SENP7: variants seen among roughly 807,000 people sequenced by gnomAD.
The protein encoded by SENP7 is SUMO specific peptidase 7, also known as sentrin-specific protease 7.
Under a neutral mutation model 141.2 loss-of-function variants are expected in SENP7, and 64 were observed. That is an observed-to-expected ratio of 0.45 (90% CI 0.37 to 0.56). The LOEUF is 0.56. SENP7 is among the 20% of genes least tolerant of loss of function. The pLI, the probability that SENP7 is intolerant of heterozygous loss-of-function variation, is 0.00. For missense variants in SENP7, 1,025 were observed against 1,212.2 expected, an observed-to-expected ratio of 0.85 and a Z score of 2.29; for synonymous variants, 382 against 426.4, an observed-to-expected ratio of 0.90 and a Z score of 1.28.
chr3:101,329,169 C>A (rs1459321475), intron 20 of SENP7, among the ~76,000 whole-genome samples: 2 of 152,150 alleles, frequency 1.3e-5, no homozygotes, highest in Non-Finnish European at 2.9e-5. Context: ...CAAACTTAAG[C>A]ACATTTATTT....
intron 7 of SENP7, among the ~76,000 whole-genome samples, chr3:101,369,255 A>T (rs2060118425): frequency 6.6e-6 from 1 of 152,220 alleles, no homozygotes; most frequent in Non-Finnish European, 1.5e-5. Context: ...ATACACAGCA[A>T]GTCACAAAGC....
intron 4 of SENP7, among the ~76,000 whole-genome samples, chr3:101,427,444 A>G (rs2061999355): frequency 1.3e-5 from 2 of 150,078 alleles, no homozygotes; most frequent in Admixed American, 6.8e-5. Flanking sequence ...GAGCCCAGAT[A>G]GCACCACTGA....
intron 3 of SENP7, among the ~76,000 whole-genome samples, chr3:101,471,617 A>G (rs1427406032): frequency 1.3e-5 from 2 of 152,250 alleles, no homozygotes; most frequent in Admixed American, 6.5e-5. Context: ...CTAAAACACC[A>G]AAAGCAATGG....
At chr3:101,337,271 C>A in intron 17 of SENP7, 1 of 269,876 alleles carries the variant, frequency 3.7e-6, no homozygotes, top group Non-Finnish European at 7.0e-6. Flanking sequence ...CTCCAACTTC[C>A]AGGATTTCCC....
Position 101,483,446 on chromosome 3 carries a change from C to T in SENP7, c.186+10427G>A, listed in dbSNP as rs2064586504. Among the ~76,000 whole-genome samples the T allele has an allele frequency of 2.0e-5, 3 of 151,996 alleles. No individual in the cohort carries two copies. In the South Asian group the frequency reaches 6.2e-4, roughly 32 times the overall value. On this transcript the variant is annotated intron_variant, in intron 3 of 23. Coordinates refer to ENST00000394095, the MANE Select transcript of SENP7 (RefSeq NM_020654.5). ...ATCATGGACATAAAGATGGCAAAAA[C>T]AGACATTGGGGACTACTAGTGGGGA...
At chr3:101,482,588 C>T (rs887537797) in intron 3 of SENP7, among the ~76,000 whole-genome samples, 4 of 152,060 alleles carry the variant, frequency 2.6e-5, no homozygotes, top group Admixed American at 6.6e-5. Context: ...GAGAAGCAAA[C>T]GACTAGGCAT....
intron 4 of SENP7, 42 bp from the exon 5 acceptor site, chr3:101,417,832 T>C (rs561639208): frequency 1.4e-6 from 2 of 1,425,542 alleles, no homozygotes; most frequent in African/African-American, 1.4e-5. Context: ...GTACTACACA[T>C]TGTAGAATAC....
At chr3:101,432,043 A>C (rs1057162246) in intron 4 of SENP7, among the ~76,000 whole-genome samples, 3 of 151,996 alleles carry the variant, frequency 2.0e-5, no homozygotes, top group African/African-American at 7.3e-5. Flanking sequence ...CCTGACCTGG[A>C]GCAGAGGGGA....
At chr3:101,441,788 G>T (rs1460627658) in intron 4 of SENP7, among the ~76,000 whole-genome samples, 1 of 152,058 alleles carries the variant, frequency 6.6e-6, no homozygotes, top group Non-Finnish European at 1.5e-5. Flanking sequence ...TGCCACCCAG[G>T]GGTCCAAAGA....
chr3:101,466,120 A>G lies in SENP7; in HGVS notation c.187-7068T>C, dbSNP rs78003516. The stretch of plus-strand genomic sequence containing the variant: ...CAACTTTAAAAAATGAAGAAAGCCT[A>G]CATAACATATGAGATGCCATAAAGC... On this transcript the variant is annotated intron_variant, in intron 3 of 23. Coordinates refer to ENST00000394095, the MANE Select transcript of SENP7 (RefSeq NM_020654.5). 3.4e-3 allele frequency among the ~76,000 whole-genome samples: 521 copies of G among 152,298 alleles called. 5 individuals carry two copies. The highest frequency in any genetic ancestry group is 0.012 in the African/African-American group (501 of 41,592).
At chr3:101,408,737 T>C (rs1268043290) in intron 5 of SENP7, among the ~76,000 whole-genome samples, 1 of 152,180 alleles carries the variant, frequency 6.6e-6, no homozygotes, top group Non-Finnish European at 1.5e-5. Flanking sequence ...GGCATCTCTT[T>C]ATGATTAAAA....
chr3:101,347,834 C>T (rs769534696), intron 13 of SENP7, 38 bp downstream of exon 13: 2 of 1,059,382 alleles, frequency 1.9e-6, no homozygotes, highest in Admixed American at 2.9e-5. Context: ...ATGACAATTT[C>T]AAGTTATCCT....
intron 11 of SENP7, chr3:101,358,359 CA>C: frequency 1.7e-6 from 1 of 590,946 alleles, no homozygotes. Flanking sequence ...AATAATGTGG[CA>C]AATCTTTTAA....
chr3:101,354,162 T>A (rs2059679380), intron 11 of SENP7, among the ~76,000 whole-genome samples: 1 of 152,064 alleles, frequency 6.6e-6, no homozygotes, highest in Non-Finnish European at 1.5e-5. Context: ...TTTGTTCACA[T>A]GCATATATTT....
rs533983161 is a variant in SENP7, at chr3:101,497,061, A to C, written c.91-3093T>G. Among the ~76,000 whole-genome samples, 6 of 152,334 alleles carry C rather than the reference A, an allele frequency of 3.9e-5. No individual in the cohort carries two copies. In the South Asian group the frequency reaches 1.2e-3, roughly 32 times the overall value. On this transcript the variant is annotated intron_variant, in intron 2 of 23. Coordinates refer to ENST00000394095, the MANE Select transcript of SENP7 (RefSeq NM_020654.5). ...GTCTACCTTTTTTAAACACACTAAC[A>C]CAACTTTATATATAAATTACGGGAT...
intron 1 of SENP7, among the ~76,000 whole-genome samples, chr3:101,507,252 A>G: frequency 6.6e-6 from 1 of 152,204 alleles, no homozygotes; most frequent in Non-Finnish European, 1.5e-5. Flanking sequence ...GGAAGGCATT[A>G]TAACAGAATT....
Position 101,325,389 on chromosome 3 carries a change from T to A in SENP7, c.*554A>T, listed in dbSNP as rs979596961. ...CGAATTTTTATCATCTTCCTAACATTATGAATGTCTTTTTGTTACATACAG... is the reference window on the plus strand; with the variant it reads ...CGAATTTTTATCATCTTCCTAACATAATGAATGTCTTTTTGTTACATACAG... On this transcript the variant is annotated 3_prime_UTR_variant, in exon 24 of 24. Coordinates refer to ENST00000394095, the MANE Select transcript of SENP7 (RefSeq NM_020654.5). 1 of 152,566 alleles carries A rather than the reference T, an allele frequency of 6.6e-6. No individual in the cohort carries two copies. Among genetic ancestry groups the A allele is most frequent in the African/African-American group, 2.4e-5 (1 of 41,448 alleles). The allele number at this position is 152,566 out of a possible 1,614,324, so 9.5% of individuals were successfully genotyped here. A position where few individuals can be genotyped will look rare whatever the true frequency, so the allele number is the denominator to read the frequency against.
At chr3:101,513,212 G>GAAAAAAAA (rs1254138448), upstream of SENP7, 74 of 136,014 alleles carry the variant, frequency 5.4e-4, 16 homozygotes, top group Admixed American at 1.4e-3. Flanking sequence ...GGAGGGGAAA[G>GAAAAAAAA]GAAAAAAAAA....
At chr3:101,441,960 A>C (rs186048666) in intron 4 of SENP7, among the ~76,000 whole-genome samples, 146 of 152,362 alleles carry the variant, frequency 9.6e-4, no homozygotes, top group African/African-American at 3.5e-3. Flanking sequence ...ATGACCAAAG[A>C]AATAACATGG....
Sources: allele counts gnomAD v4.1 joint callset (sites outside exome capture counted in the v4.1 genomes callset), GRCh38; gene constraint gnomAD v4.1.1; transcripts MANE v1.5; gene names NCBI Gene and HGNC (gene_info 2026-07-23, HGNC 2026-07-21).